The following ZNF146 variants were observed in gnomAD, a reference collection of about 807,000 sequenced individuals.
The protein encoded by ZNF146 is zinc finger protein OZF.
ZNF146 carries 9 observed loss-of-function variants against 22.2 expected under a neutral mutation model. The observed-to-expected ratio is 0.41, with a 90% CI of 0.24 to 0.71. ZNF146 has a LOEUF of 0.71. Ranked by LOEUF, ZNF146 falls within the 30% of genes least tolerant of loss-of-function variation. The pLI is 0.34. For synonymous variants in ZNF146, 108 were observed against 119.2 expected (o/e 0.91, Z 0.61); for missense variants, 194 against 344.8 (o/e 0.56, Z 3.46).
At chr19:36,234,659 C>T (rs979376592) in intron 3 of ZNF146, among the ~76,000 whole-genome samples, 40 of 152,130 alleles carry the variant, frequency 2.6e-4, no homozygotes, top group Admixed American at 2.0e-3. Context: ...GGCCTCCCAA[C>T]GTGCTGGGAT....
chr19:36,236,821 C>G lies in ZNF146; in HGVS notation c.381C>G (p.Pro127=), dbSNP rs750554314. 6.2e-7 allele frequency: 1 copy of G among 1,613,960 alleles called. No individual in the cohort carries two copies. Among genetic ancestry groups the G allele is most frequent in the African/African-American group, 1.3e-5 (1 of 74,906 alleles). ...AGAGAACTCACACAGGAGAGAAGCC[C>G]TTTGTATGTAAGGAGTGTGGAAAAA... ...RHQRTHTGEK[P]FVCKECGKTF... The change falls in exon 4 of 4, where the codon CCC becomes CCG. Residue 127 remains proline, a synonymous_variant. Transcript: ENST00000443387.
rs1977656270 is a variant in ZNF146 at position 36,236,663 on chromosome 19, A to G, written c.223A>G (p.Asn75Asp). The part of the protein sequence containing the change: ...THTGEKLFEC[N>D]ECGKSFSQKE... ...TACTGGCGAGAAGCTTTTCGAATGT[A>G]ATGAATGTGGAAAATCATTTAGCCA... is the stretch of plus-strand genomic sequence containing the variant. The change falls in exon 4 of 4, where the codon AAT becomes GAT. Residue 75 changes from asparagine (N) to aspartate (D), a missense_variant. Transcript: ENST00000443387. 6.2e-7 allele frequency: 1 copy of G among 1,614,110 alleles called. No homozygotes were observed. The highest frequency in any genetic ancestry group is 1.3e-5 in the African/African-American group (1 of 74,940).
Position 36,236,713 on chromosome 19 carries a change from G to C in ZNF146, c.273G>C (p.Gln91His). 1 of 1,614,198 alleles carries C rather than the reference G, an allele frequency of 6.2e-7. No individual in the cohort carries two copies. The highest frequency in any genetic ancestry group is 1.1e-5 in the South Asian group (1 of 91,088). ...FSQKENLLTHQKIHTGEKPFE... is the reference protein window; with the variant it reads ...FSQKENLLTHHKIHTGEKPFE... ...AGAAGGAAAACCTCCTTACGCACCA[G>C]AAAATTCACACTGGAGAAAAACCTT... The change falls in exon 4 of 4, where the codon CAG becomes CAC. Residue 91 changes from glutamine (Q) to histidine (H), a missense_variant. Physicochemically the swap from Gln to His is conservative, Grantham distance 24. Coordinates refer to ENST00000443387, the MANE Select transcript of ZNF146 (RefSeq NM_007145.3).
At chr19:36,223,848 T>TA (rs879808394) in intron 2 of ZNF146, among the ~76,000 whole-genome samples, 256 of 146,250 alleles carry the variant, frequency 1.8e-3, no homozygotes, top group African/African-American at 3.0e-3. Flanking sequence ...CTCGCTAATT[T>TA]AAAAAAAAAA....
At position 36,237,388 on chromosome 19, in the gene ZNF146, A is replaced by G. The variant is rs4806293; in HGVS notation, c.*69A>G. On this transcript the variant is annotated 3_prime_UTR_variant, in exon 4 of 4. Transcript: ENST00000443387. Reference sequence around the variant, plus strand: ...ATTTGCACCTCATCATGCCCCAGAAATAATCCTTCTGAAGCAAAGCACCAC... The same window carrying G: ...ATTTGCACCTCATCATGCCCCAGAAGTAATCCTTCTGAAGCAAAGCACCAC... 0.21 allele frequency: 315,169 copies of G among 1,509,494 alleles called. 34,271 individuals are homozygous for G. Among genetic ancestry groups the G allele is most frequent in the Non-Finnish European group, 0.22 (252,258 of 1,128,448 alleles). 93.5% of individuals were successfully genotyped at this position (1,509,494 alleles called of 1,614,324 possible). A position where few individuals can be genotyped will look rare whatever the true frequency, so the allele number is the denominator to read the frequency against.
chr19:36,228,287 A>T (rs1288115328), intron 2 of ZNF146, among the ~76,000 whole-genome samples: 1 of 151,840 alleles, frequency 6.6e-6, no homozygotes, highest in Non-Finnish European at 1.5e-5. Flanking sequence ...CATTGTGCCC[A>T]TGTGCTTTAG....
chr19:36,221,813 T>C (rs772098074), intron 2 of ZNF146, among the ~76,000 whole-genome samples: 4 of 152,022 alleles, frequency 2.6e-5, no homozygotes, highest in Non-Finnish European at 4.4e-5. Flanking sequence ...TATATTTCTC[T>C]TCACTCCTGT....
Position 36,237,713 on chromosome 19 carries a change from C to A in ZNF146, c.*394C>A, listed in dbSNP as rs1427516633. On this transcript the variant is annotated 3_prime_UTR_variant, in exon 4 of 4. Transcript: ENST00000443387. The stretch of plus-strand genomic sequence containing the variant: ...TGGTCATCTACAACTAATATTAAGA[C>A]TCCTGTGGTATTGATTGAGCAGAGC... The A allele has an allele frequency of 5.6e-6, 1 of 178,956 alleles. No individual in the cohort carries two copies. The highest frequency in any genetic ancestry group is 1.3e-5 in the Non-Finnish European group (1 of 75,730). The allele number at this position is 178,956 out of a possible 1,614,324, so 11.1% of individuals were successfully genotyped here.
In ZNF146 at chr19:36,225,752, C is replaced by CTT. The variant is rs67760026; in HGVS notation, c.-854-2971_-854-2970dup. On this transcript the variant is annotated intron_variant, in intron 2 of 3. Transcript: ENST00000443387. ...CAAGCCCTGCCCCTGCTTTGTGATT[C>CTT]TTTTTTTTTTTTTTTTTTTTTTTTT... Among the ~76,000 whole-genome samples the CTT allele has an allele frequency of 6.0e-4, 40 of 66,724 alleles. 1 individual carries two copies. The highest frequency in any genetic ancestry group is 0.016 in the Middle Eastern group (1 of 62). 43.8% of individuals were successfully genotyped at this position (66,724 alleles called of 152,430 possible).
intron 2 of ZNF146, among the ~76,000 whole-genome samples, chr19:36,222,872 T>TA (rs1306283386): frequency 1.4e-5 from 2 of 142,304 alleles, no homozygotes; most frequent in Non-Finnish European, 3.2e-5. Flanking sequence ...TAAGAGGTTT[T>TA]GTTTTAATTT....
At chr19:36,226,722 A>G (rs1252654586) in intron 2 of ZNF146, among the ~76,000 whole-genome samples, 3 of 152,222 alleles carry the variant, frequency 2.0e-5, no homozygotes, top group Non-Finnish European at 4.4e-5. Context: ...TTGATACATT[A>G]GTATTATTTA....
chr19:36,223,205 T>G (rs1316122954), intron 2 of ZNF146, among the ~76,000 whole-genome samples: 1 of 151,654 alleles, frequency 6.6e-6, no homozygotes, highest in Non-Finnish European at 1.5e-5. Flanking sequence ...TCACTTGAGG[T>G]CAGGAGTTTG....
At chr19:36,233,110 G>A (rs557841382) in intron 3 of ZNF146, among the ~76,000 whole-genome samples, 6 of 152,228 alleles carry the variant, frequency 3.9e-5, no homozygotes, top group Non-Finnish European at 7.3e-5. Context: ...CTGGCCAGGC[G>A]TGGTGGCTCA....
chr19:36,236,848 C>A lies in ZNF146; in HGVS notation c.408C>A (p.Thr136=). 2 of 1,614,068 alleles carry A rather than the reference C, an allele frequency of 1.2e-6. No homozygotes were observed. Among genetic ancestry groups the A allele is most frequent in the Non-Finnish European group, 1.7e-6 (2 of 1,180,012 alleles). ...TTGTATGTAAGGAGTGTGGAAAAAC[C>A]TTCAGTGGCAAATCCAACCTTACTG... The part of the protein sequence containing the change: ...KPFVCKECGK[T]FSGKSNLTEH... The change falls in exon 4 of 4, where the codon ACC becomes ACA. Residue 136 remains threonine (T), a synonymous_variant. Transcript: ENST00000443387.
intron 1 of ZNF146, among the ~76,000 whole-genome samples, chr19:36,217,110 T>G (rs992762171): frequency 2.3e-5 from 3 of 129,658 alleles, no homozygotes; most frequent in African/African-American, 8.8e-5. Flanking sequence ...TTGCCCAGTC[T>G]AGAGTGCAGT....
intron 2 of ZNF146, among the ~76,000 whole-genome samples, chr19:36,218,966 G>A (rs1213355872): frequency 4.0e-5 from 6 of 150,446 alleles, no homozygotes; most frequent in African/African-American, 1.5e-4. Flanking sequence ...CCACCACCAC[G>A]TCCGGCTAAT....
chr19:36,223,022 C>T (rs1976919658), intron 2 of ZNF146, among the ~76,000 whole-genome samples: 1 of 151,968 alleles, frequency 6.6e-6, no homozygotes, highest in Admixed American at 6.6e-5. Context: ...CTGTGTTGCA[C>T]AGGCTGGCCT....
At position 36,238,225 on chromosome 19, in the gene ZNF146, C is replaced by T. The variant is rs1384457873; in HGVS notation, c.*906C>T. 1 of 167,068 alleles carries T rather than the reference C, an allele frequency of 6.0e-6. No individual in the cohort carries two copies. Among genetic ancestry groups the T allele is most frequent in the African/African-American group, 2.4e-5 (1 of 41,444 alleles). 10.3% of individuals were successfully genotyped at this position (167,068 alleles called of 1,614,324 possible). ...GGGGGGATCAAGTTGCAGAATGATA[C>T]AGATAGTACAATGACTTTTTTGTAA... is the stretch of plus-strand genomic sequence containing the variant. On this transcript the variant is annotated 3_prime_UTR_variant, in exon 4 of 4. Coordinates refer to ENST00000443387, the MANE Select transcript of ZNF146 (RefSeq NM_007145.3).
Position 36,237,457 on chromosome 19 carries a change from C to CTT in ZNF146, c.*138_*139insTT. On this transcript the variant is annotated 3_prime_UTR_variant, in exon 4 of 4. Transcript: ENST00000443387. ...CAAGTACTAAAAACTTAAGGGACACCAGAAAATTTGTACTGAAGAGAAAGA... is the reference window on the plus strand; with the variant it reads ...CAAGTACTAAAAACTTAAGGGACACCTTAGAAAATTTGTACTGAAGAGAAAGA... 1 of 1,082,502 alleles carries CTT rather than the reference C, an allele frequency of 9.2e-7. No individual in the cohort carries two copies. Among genetic ancestry groups the CTT allele is most frequent in the Non-Finnish European group, 1.3e-6 (1 of 777,856 alleles). 67.1% of individuals were successfully genotyped at this position (1,082,502 alleles called of 1,614,324 possible). A position where few individuals can be genotyped will look rare whatever the true frequency, so the allele number is the denominator to read the frequency against.
Sources: allele counts gnomAD v4.1 joint callset (sites outside exome capture counted in the v4.1 genomes callset), GRCh38; gene constraint gnomAD v4.1.1; transcripts MANE v1.5; gene names NCBI Gene and HGNC (gene_info 2026-07-23, HGNC 2026-07-21).